Variants in CTNNA3 observed in about 807,000 individuals in gnomAD.
CTNNA3 encodes catenin alpha 3.
In CTNNA3, 76 loss-of-function variants were observed where a neutral mutation model predicts 95.7. That is an observed-to-expected ratio of 0.79 (90% confidence interval 0.66 to 0.96). The LOEUF is 0.96. Among genes scored for constraint, CTNNA3 ranks in the 40% least tolerant of loss-of-function variants. The pLI, the probability that CTNNA3 is intolerant of heterozygous loss-of-function variation, is 0.00. For missense variants in CTNNA3, 1,191 were observed against 1,089.8 expected (o/e 1.09, Z -1.31); for synonymous variants, 431 against 374.4 (o/e 1.15, Z -1.74).
At chr10:65,997,628 A>G (rs572050386) in intron 15 of CTNNA3, among the ~76,000 whole-genome samples, 24 of 152,270 alleles carry the variant, frequency 1.6e-4, no homozygotes, top group Admixed American at 1.4e-3. Flanking sequence ...CGGAAAGTCA[A>G]TGAGGCCTAT....
intron 5 of CTNNA3, among the ~76,000 whole-genome samples, chr10:67,521,364 C>A (rs1028847322): frequency 2.6e-5 from 4 of 152,136 alleles, no homozygotes; most frequent in African/African-American, 7.2e-5. Flanking sequence ...CCACACTTAG[C>A]AAATTACTCA....
At chr10:67,586,844 G>C (rs576619307) in intron 3 of CTNNA3, among the ~76,000 whole-genome samples, 1 of 151,948 alleles carries the variant, frequency 6.6e-6, no homozygotes, top group East Asian at 1.9e-4. Flanking sequence ...TTGTTTTCTA[G>C]TTTTTAAAAA....
At chr10:67,399,780 C>T (rs933723722) in intron 5 of CTNNA3, among the ~76,000 whole-genome samples, 1 of 152,126 alleles carries the variant, frequency 6.6e-6, no homozygotes, top group Non-Finnish European at 1.5e-5. Context: ...TAACTATAAG[C>T]ATTATGGTAA....
At position 67,615,115 on chromosome 10, in the gene CTNNA3, T is replaced by C. The variant is rs550146399; in HGVS notation, c.100-8066A>G. ...TGGGGTTGGAAATGGCACAATTCAA[T>C]CCATAACAATCTTTACCACAAGTGA... On this transcript the variant is annotated intron_variant, in intron 2 of 17. Coordinates refer to ENST00000433211, the MANE Select transcript of CTNNA3 (RefSeq NM_013266.4). 2.6e-5 allele frequency among the ~76,000 whole-genome samples: 4 copies of C among 152,328 alleles called. No homozygotes were observed. In the East Asian group the frequency reaches 7.7e-4, roughly 29 times the overall value.
chr10:66,963,280 T>G (rs1279596257), intron 7 of CTNNA3, among the ~76,000 whole-genome samples: 1 of 152,198 alleles, frequency 6.6e-6, no homozygotes, highest in African/African-American at 2.4e-5. Context: ...GACTTTTAGC[T>G]TTGAACTCCA....
chr10:66,904,892 G>A (rs1436726739), intron 7 of CTNNA3, among the ~76,000 whole-genome samples: 1 of 152,142 alleles, frequency 6.6e-6, no homozygotes, highest in Non-Finnish European at 1.5e-5. Flanking sequence ...AGAGGATGTG[G>A]AGAAATAGGA....
At chr10:66,943,587 C>T (rs995904671) in intron 7 of CTNNA3, among the ~76,000 whole-genome samples, 4 of 151,494 alleles carry the variant, frequency 2.6e-5, no homozygotes, top group East Asian at 1.9e-4. Flanking sequence ...GAAACTCTCA[C>T]GGCGAGGTGT....
chr10:67,704,098 T>C (rs910356314), intron 1 of CTNNA3, among the ~76,000 whole-genome samples: 1 of 152,184 alleles, frequency 6.6e-6, no homozygotes, highest in Non-Finnish European at 1.5e-5. Context: ...CAAGGAGAAC[T>C]ACAAACTACT....
At chr10:67,591,659 C>A (rs534024497) in intron 3 of CTNNA3, among the ~76,000 whole-genome samples, 1 of 150,852 alleles carries the variant, frequency 6.6e-6, no homozygotes, top group Non-Finnish European at 1.5e-5. Flanking sequence ...AACAAATGTA[C>A]AAAATACAGA....
At chr10:66,805,562 A>C (rs1264091200) in intron 7 of CTNNA3, among the ~76,000 whole-genome samples, 1 of 150,696 alleles carries the variant, frequency 6.6e-6, no homozygotes, top group African/African-American at 2.4e-5. Flanking sequence ...AGTAAATAAT[A>C]ATGGTAATTT....
At chr10:66,104,445 T>C (rs2081799783) in intron 13 of CTNNA3, among the ~76,000 whole-genome samples, 1 of 152,202 alleles carries the variant, frequency 6.6e-6, no homozygotes, top group South Asian at 2.1e-4. Flanking sequence ...CAACTTAATA[T>C]ATTTTTTTTA....
chr10:66,953,711 G>C (rs1351417868), intron 7 of CTNNA3, among the ~76,000 whole-genome samples: 1 of 152,020 alleles, frequency 6.6e-6, no homozygotes, highest in Non-Finnish European at 1.5e-5. Flanking sequence ...ATATCATCCA[G>C]ATTGTGCTTC....
At chr10:66,088,485 T>TTG (rs3074377) in intron 14 of CTNNA3, among the ~76,000 whole-genome samples, 14,473 of 139,494 alleles carry the variant, frequency 0.1, 829 homozygotes, top group East Asian at 0.21. Flanking sequence ...GGTAGGTGTT[T>TTG]TGTGTGTGTG....
intron 7 of CTNNA3, among the ~76,000 whole-genome samples, chr10:66,995,218 G>T (rs2132951952): frequency 6.6e-6 from 1 of 152,214 alleles, no homozygotes; most frequent in African/African-American, 2.4e-5. Flanking sequence ...TCCGTGAATA[G>T]AACCACCATC....
intron 13 of CTNNA3, among the ~76,000 whole-genome samples, chr10:66,132,085 G>A (rs1196243671): frequency 6.6e-6 from 1 of 152,086 alleles, no homozygotes; most frequent in Non-Finnish European, 1.5e-5. Flanking sequence ...CTGCACAGCA[G>A]AAGAAATTAT....
At chr10:66,860,472 A>G (rs1046039586) in intron 7 of CTNNA3, among the ~76,000 whole-genome samples, 1 of 152,186 alleles carries the variant, frequency 6.6e-6, no homozygotes, top group Non-Finnish European at 1.5e-5. Context: ...TCAAAAATAT[A>G]ACAAACAGAT....
At chr10:66,529,077 T>C (rs935842863) in intron 10 of CTNNA3, among the ~76,000 whole-genome samples, 2 of 152,106 alleles carry the variant, frequency 1.3e-5, no homozygotes, top group Admixed American at 6.6e-5. Flanking sequence ...CAAAACTCTG[T>C]ATACTTTAGG....
At chr10:67,631,938 G>T (rs1249557399) in intron 2 of CTNNA3, among the ~76,000 whole-genome samples, 1 of 152,164 alleles carries the variant, frequency 6.6e-6, no homozygotes, top group Non-Finnish European at 1.5e-5. Context: ...AAGAAGCAGA[G>T]GGTAAAAGGG....
Position 66,103,190 on chromosome 10 carries a change from G to A in CTNNA3, c.1944C>T (p.His648=). 6.2e-7 allele frequency: 1 copy of A among 1,614,132 alleles called. No homozygotes were observed. Among genetic ancestry groups the A allele is most frequent in the African/African-American group, 1.3e-5 (1 of 75,046 alleles). Reference sequence around the variant, plus strand: ...TTTTCCCTTCGGTCTGAATGCTGGTGTGACTGCGGACCTCGTGTTCCTCTT... The same window carrying A: ...TTTTCCCTTCGGTCTGAATGCTGGTATGACTGCGGACCTCGTGTTCCTCTT... ...DLEEEHEVRS[H]TSIQTEGKTD... Residue 648 remains histidine, a synonymous_variant, in exon 14 of 18, where the codon CAC becomes CAT. Coordinates refer to ENST00000433211, the MANE Select transcript of CTNNA3 (RefSeq NM_013266.4).
Sources: allele counts gnomAD v4.1 joint callset (sites outside exome capture counted in the v4.1 genomes callset), GRCh38; gene constraint gnomAD v4.1.1; transcripts MANE v1.5; gene names NCBI Gene and HGNC (gene_info 2026-07-23, HGNC 2026-07-21).